Variants in SNAP91 observed in about 807,000 individuals in gnomAD.
The protein encoded by SNAP91 is synaptosome associated protein 91, also known as clathrin coat assembly protein AP180.
In SNAP91, 27 loss-of-function variants were observed where a neutral mutation model predicts 100.3. The observed-to-expected ratio is 0.27, with a 90% CI of 0.20 to 0.37. SNAP91 has a LOEUF of 0.37. Among genes scored for constraint, SNAP91 ranks in the 10% least tolerant of loss-of-function variants. The pLI is 1.00. For missense variants in SNAP91, 986 were observed against 1,123.7 expected, an observed-to-expected ratio of 0.88 and a Z score of 1.75; for synonymous variants, 404 against 398.6, an observed-to-expected ratio of 1.01 and a Z score of -0.16.
chr6:83,665,648 G>T, intron 2 of SNAP91, 67 bp from the exon 3 acceptor site: 1 of 1,439,542 alleles, frequency 6.9e-7, no homozygotes, highest in Admixed American at 1.9e-5. Flanking sequence ...TTCAAACTTG[G>T]AACATATAAG....
At chr6:83,617,318 T>A (rs2096538154) in intron 9 of SNAP91, among the ~76,000 whole-genome samples, 1 of 152,038 alleles carries the variant, frequency 6.6e-6, no homozygotes, top group African/African-American at 2.4e-5. Flanking sequence ...AATACATTAC[T>A]TATATGCAGT....
intron 2 of SNAP91, among the ~76,000 whole-genome samples, chr6:83,673,225 T>C (rs1304062977): frequency 6.6e-6 from 1 of 152,122 alleles, no homozygotes; most frequent in African/African-American, 2.4e-5. Context: ...CAAATTCATA[T>C]GTTGAAATCT....
At chr6:83,709,169 C>T (rs1456346969), upstream of SNAP91, 1 of 152,388 alleles carries the variant, frequency 6.6e-6, no homozygotes, top group African/African-American at 2.4e-5. Flanking sequence ...GCGGACAAAC[C>T]CGGACGAGCC....
Position 83,656,772 on chromosome 6 carries a change from C to A in SNAP91, c.640G>T (p.Gly214Cys), listed in dbSNP as rs1356086486. 27 of 1,577,550 alleles carry A rather than the reference C, an allele frequency of 1.7e-5. No individual in the cohort carries two copies. The highest frequency in any genetic ancestry group is 2.3e-5 in the Non-Finnish European group (27 of 1,151,504). Residue 214 changes from glycine (G) to cysteine (C), a missense_variant, in exon 7 of 30, where the codon GGT becomes TGT. Coordinates refer to ENST00000369694, the MANE Select transcript of SNAP91 (RefSeq NM_001242792.2). ...CACCTACCGAGTAAGTTAATAACAC[C>A]ATCATTGTAGCAAGCAAAAAGTTTG... is the stretch of plus-strand genomic sequence containing the variant. The part of the protein sequence containing the change: ...LIKLFACYND[G>C]VINLLEKFFE...
chr6:83,657,314 A>C (rs1020320649), intron 6 of SNAP91, among the ~76,000 whole-genome samples: 1 of 152,088 alleles, frequency 6.6e-6, no homozygotes, highest in Non-Finnish European at 1.5e-5. Context: ...AACTCTAGAG[A>C]CTCATAACTG....
At chr6:83,701,354 C>G (rs2099304447) in intron 2 of SNAP91, among the ~76,000 whole-genome samples, 6 of 151,866 alleles carry the variant, frequency 4.0e-5, no homozygotes, top group Admixed American at 3.3e-4. Flanking sequence ...GGAGAAAAAT[C>G]AAATGGTGAG....
chr6:83,662,205 A>G (rs2098555607), intron 4 of SNAP91, 142 bp downstream of exon 4: 11 of 323,942 alleles, frequency 3.4e-5, no homozygotes, highest in Non-Finnish European at 5.8e-5. Flanking sequence ...ATAATTAAAT[A>G]TTTTAAAGCT....
rs114943844 is a variant in SNAP91, at chr6:83,589,919, T to C, written c.2014+1292A>G. 3.1e-3 allele frequency among the ~76,000 whole-genome samples: 467 copies of C among 152,300 alleles called. 2 individuals carry two copies. The highest frequency in any genetic ancestry group is 0.011 in the African/African-American group (439 of 41,564). ...TGCCAGGATTGTTTATTGTATAACTTGTAATTTTATGGGCTATATCCACAC... is the reference window on the plus strand; with the variant it reads ...TGCCAGGATTGTTTATTGTATAACTCGTAATTTTATGGGCTATATCCACAC... On this transcript the variant is annotated intron_variant, in intron 22 of 29. Coordinates refer to ENST00000369694, the MANE Select transcript of SNAP91 (RefSeq NM_001242792.2).
At chr6:83,555,233 AC>A (rs1270996498) in intron 29 of SNAP91, among the ~76,000 whole-genome samples, 3 of 152,088 alleles carry the variant, frequency 2.0e-5, no homozygotes, top group Non-Finnish European at 4.4e-5. Flanking sequence ...GAAAAAAAAA[AC>A]AAATCAAGAA....
At position 83,570,603 on chromosome 6, in the gene SNAP91, T is replaced by C. The variant is rs1188432820; in HGVS notation, c.2442+4407A>G. ...GGCTGGGCCCAGGGTCCCTGTGCTG[T>C]GTGCAGTCTAGGGACCTGGTGCCCA... On this transcript the variant is annotated intron_variant, in intron 26 of 29. Transcript: ENST00000369694. Among the ~76,000 whole-genome samples the C allele has an allele frequency of 2.0e-5, 3 of 151,244 alleles. No homozygotes were observed. The East Asian group carries it at 5.9e-4, about 30-fold the overall frequency.
Position 83,661,578 on chromosome 6 carries a change from G to A in SNAP91, c.376C>T (p.Arg126Cys), listed in dbSNP as rs1237597399. 6.2e-6 allele frequency: 10 copies of A among 1,603,884 alleles called. No homozygotes were observed. The highest frequency in any genetic ancestry group is 1.1e-5 in the South Asian group (1 of 89,268). The part of the protein sequence containing the change: ...HGYDMSTFIR[R>C]YSRYLNEKAF... ...TTTTCATTCAAATATCTACTATAGC[G>A]CCTTATGAAGGTAGACATATCATAA... Residue 126 changes from arginine to cysteine, a missense_variant, in exon 5 of 30, where the codon CGC becomes TGC. Coordinates refer to ENST00000369694, the MANE Select transcript of SNAP91 (RefSeq NM_001242792.2).
At chr6:83,663,035 A>T (rs561592079) in intron 3 of SNAP91, among the ~76,000 whole-genome samples, 1 of 152,232 alleles carries the variant, frequency 6.6e-6, no homozygotes, top group Admixed American at 6.5e-5. Context: ...GTGATCTGTC[A>T]TCAGTGATCT....
Position 83,655,269 on chromosome 6 carries a change from C to T in SNAP91, c.658+1485G>A, listed in dbSNP as rs540097363. Among the ~76,000 whole-genome samples the T allele has an allele frequency of 2.8e-4, 42 of 152,314 alleles. 1 individual carries two copies. In the South Asian group the frequency reaches 8.7e-3, roughly 32 times the overall value. Reference sequence around the variant, plus strand: ...TAAAAAGAGGCAGAAGTCTGCTAAGCTGCTTTGGTGGCAACATAGAGGACA... The same window carrying T: ...TAAAAAGAGGCAGAAGTCTGCTAAGTTGCTTTGGTGGCAACATAGAGGACA... On this transcript the variant is annotated intron_variant, in intron 7 of 29. Coordinates refer to ENST00000369694, the MANE Select transcript of SNAP91 (RefSeq NM_001242792.2).
intron 8 of SNAP91, among the ~76,000 whole-genome samples, chr6:83,632,384 T>G (rs2097245171): frequency 6.6e-6 from 1 of 152,210 alleles, no homozygotes; most frequent in African/African-American, 2.4e-5. Flanking sequence ...GTTCTTTTTG[T>G]GATGAATTTC....
intron 26 of SNAP91, among the ~76,000 whole-genome samples, chr6:83,562,479 G>T (rs1277224300): frequency 1.3e-5 from 2 of 152,102 alleles, no homozygotes; most frequent in African/African-American, 4.8e-5. Flanking sequence ...CATCTATTTT[G>T]GATACACCTT....
At position 83,558,035 on chromosome 6, in the gene SNAP91, A is replaced by C. The variant is rs148562201; in HGVS notation, c.2632-1790T>G. Reference sequence around the variant, plus strand: ...TATGAATTCAATTACTGATTGAAACAATGTATTCCCATCATACTATCTATT... The same window carrying C: ...TATGAATTCAATTACTGATTGAAACCATGTATTCCCATCATACTATCTATT... On this transcript the variant is annotated intron_variant, in intron 28 of 29. Coordinates refer to ENST00000369694, the MANE Select transcript of SNAP91 (RefSeq NM_001242792.2). Among the ~76,000 whole-genome samples, 389 of 152,176 alleles carry C rather than the reference A, an allele frequency of 2.6e-3. 1 individual carries two copies. The highest frequency in any genetic ancestry group is 8.4e-3 in the African/African-American group (347 of 41,548).
chr6:83,620,576 TC>T (rs1235650775), intron 9 of SNAP91, among the ~76,000 whole-genome samples: 1 of 152,156 alleles, frequency 6.6e-6, no homozygotes, highest in Non-Finnish European at 1.5e-5. Context: ...GCCGAGGGGC[TC>T]TACACAGGAA....
chr6:83,624,891 A>T (rs965606207), intron 8 of SNAP91, among the ~76,000 whole-genome samples: 1 of 151,918 alleles, frequency 6.6e-6, no homozygotes, highest in African/African-American at 2.4e-5. Flanking sequence ...CTTTTTAAAA[A>T]TTTTCCATTT....
chr6:83,670,154 G>T (rs1291407530), intron 2 of SNAP91, among the ~76,000 whole-genome samples: 1 of 151,520 alleles, frequency 6.6e-6, no homozygotes, highest in African/African-American at 2.4e-5. Flanking sequence ...CTACTTTCTT[G>T]CCTGATGGCA....
Sources: allele counts gnomAD v4.1 joint callset (sites outside exome capture counted in the v4.1 genomes callset), GRCh38; gene constraint gnomAD v4.1.1; transcripts MANE v1.5; gene names NCBI Gene and HGNC (gene_info 2026-07-23, HGNC 2026-07-21).